Variants in ERBB4 observed in about 807,000 individuals in gnomAD.
ERBB4 encodes the protein receptor tyrosine-protein kinase erbB-4.
In ERBB4, 42 loss-of-function variants were observed where a neutral mutation model predicts 158.0. The ratio of observed to expected loss-of-function variants is 0.27; its 90% CI spans 0.21 to 0.34. The LOEUF is 0.34. Ranked by LOEUF, ERBB4 falls within the 10% of genes least tolerant of loss-of-function variation. The probability of loss-of-function intolerance (pLI) is 1.00; values close to 1 mark genes in which losing one functional copy is unlikely to be tolerated. For missense variants in ERBB4, 1,333 were observed against 1,624.1 expected, an observed-to-expected ratio of 0.82 and a Z score of 3.08; for synonymous variants, 583 against 558.7, an observed-to-expected ratio of 1.04 and a Z score of -0.61.
At chr2:212,027,603 C>T (rs917510881) in intron 2 of ERBB4, among the ~76,000 whole-genome samples, 2 of 152,140 alleles carry the variant, frequency 1.3e-5, no homozygotes, top group African/African-American at 4.8e-5. Flanking sequence ...TATCTTTATT[C>T]TTACTCCTTG....
intron 2 of ERBB4, among the ~76,000 whole-genome samples, chr2:212,116,944 C>A (rs191421136): frequency 4.5e-4 from 68 of 151,964 alleles, no homozygotes; most frequent in East Asian, 1.9e-4. Flanking sequence ...AATCCTAAGC[C>A]AAGTGTAAAT....
At chr2:211,783,919 G>T (rs1156243982) in intron 4 of ERBB4, among the ~76,000 whole-genome samples, 1 of 152,040 alleles carries the variant, frequency 6.6e-6, no homozygotes, top group Admixed American at 6.5e-5. Context: ...TTTTTCTCTT[G>T]ATTGGAATAG....
chr2:212,413,134 A>ATTTTTTTTTTTTTTT (rs370397826), intron 1 of ERBB4, among the ~76,000 whole-genome samples: 17 of 101,256 alleles, frequency 1.7e-4, no homozygotes, highest in East Asian at 2.7e-4. Context: ...TGCGTGGCTA[A>ATTTTTTTTTTTTTTT]TTTTTTTTTT....
chr2:212,171,012 G>A (rs188493950), intron 1 of ERBB4, among the ~76,000 whole-genome samples: 20 of 152,168 alleles, frequency 1.3e-4, no homozygotes, highest in African/African-American at 4.6e-4. Context: ...AGCTTGCACT[G>A]TGCACCTGGA....
intron 2 of ERBB4, among the ~76,000 whole-genome samples, chr2:212,000,806 A>T (rs1380936682): frequency 6.6e-6 from 1 of 151,940 alleles, no homozygotes; most frequent in African/African-American, 2.4e-5. Context: ...ATATTTAGTT[A>T]CATGAATCTA....
intron 19 of ERBB4, among the ~76,000 whole-genome samples, chr2:211,568,611 C>A (rs1400266747): frequency 6.6e-6 from 1 of 152,012 alleles, no homozygotes; most frequent in Non-Finnish European, 1.5e-5. Context: ...TATCTATGGA[C>A]CATTAATGCA....
chr2:211,729,067 C>T (rs1034154079), intron 5 of ERBB4, among the ~76,000 whole-genome samples: 2 of 151,600 alleles, frequency 1.3e-5, no homozygotes, highest in African/African-American at 4.8e-5. Context: ...TACTGTGGAA[C>T]TATTAAAATA....
chr2:211,816,675 C>G (rs2076887637), intron 3 of ERBB4, among the ~76,000 whole-genome samples: 2 of 151,586 alleles, frequency 1.3e-5, no homozygotes, highest in South Asian at 4.2e-4. Flanking sequence ...ACACATATCT[C>G]AACTAATTTT....
chr2:211,960,694 T>C (rs1310018726), intron 2 of ERBB4: 1 of 152,106 alleles, frequency 6.6e-6, no homozygotes, highest in Admixed American at 6.6e-5. Flanking sequence ...GGCCAGTGTC[T>C]TGCTATGTTT....
chr2:212,439,645 T>C (rs1470705343), intron 1 of ERBB4, among the ~76,000 whole-genome samples: 1 of 152,162 alleles, frequency 6.6e-6, no homozygotes, highest in Non-Finnish European at 1.5e-5. Context: ...TGTATTATTA[T>C]GAAGAAAACA....
At chr2:211,436,500 T>G (rs2063858581) in intron 20 of ERBB4, among the ~76,000 whole-genome samples, 2 of 152,160 alleles carry the variant, frequency 1.3e-5, no homozygotes. Flanking sequence ...ATCCTGCAGG[T>G]TGTTGTGAGG....
intron 2 of ERBB4, among the ~76,000 whole-genome samples, chr2:212,061,453 CAAAAAAAAAAA>C (rs754237880): frequency 2.2e-4 from 5 of 22,828 alleles, no homozygotes; most frequent in Non-Finnish European, 3.1e-4. Context: ...ACTCTGTCTC[CAAAAAAAAAAA>C]AAAAAAAAAA....
intron 20 of ERBB4, among the ~76,000 whole-genome samples, chr2:211,481,594 G>A (rs775338872): frequency 1.3e-5 from 2 of 151,426 alleles, no homozygotes; most frequent in Admixed American, 1.3e-4. Flanking sequence ...ATGAACAAAG[G>A]TAATATATGA....
chr2:212,195,189 C>A (rs939587445), intron 1 of ERBB4, among the ~76,000 whole-genome samples: 16 of 151,868 alleles, frequency 1.1e-4, no homozygotes, highest in African/African-American at 3.9e-4. Context: ...TTTGTCAGAA[C>A]AAATTATAAA....
intron 20 of ERBB4, among the ~76,000 whole-genome samples, chr2:211,528,515 A>G (rs1388443690): frequency 2.0e-5 from 3 of 152,102 alleles, no homozygotes; most frequent in African/African-American, 7.2e-5. Context: ...TGGACCTAAT[A>G]GATATTTACA....
intron 4 of ERBB4, chr2:211,778,571 G>A (rs1436310077): frequency 6.6e-6 from 1 of 152,130 alleles, no homozygotes; most frequent in Non-Finnish European, 1.5e-5. Context: ...ATGAGTGTCT[G>A]ACTTCTCCCC....
chr2:211,906,891 C>T (rs921314053), intron 3 of ERBB4, among the ~76,000 whole-genome samples: 2 of 151,600 alleles, frequency 1.3e-5, no homozygotes, highest in Non-Finnish European at 2.9e-5. Context: ...AAGTTGGGCA[C>T]ATTTCTTAGC....
rs913728795 is a variant in ERBB4 at position 212,000,157 on chromosome 2, G to C, written c.235-52541C>G. 2.6e-5 allele frequency among the ~76,000 whole-genome samples: 4 copies of C among 151,782 alleles called. No individual in the cohort carries two copies. The East Asian group carries it at 7.7e-4, about 29-fold the overall frequency. ...TTCATGTTTTTCACATCAATAAGCA[G>C]GAATGTATCAAATATATATTATTTT... On this transcript the variant is annotated intron_variant, in intron 2 of 27. Transcript: ENST00000342788.
intron 1 of ERBB4, among the ~76,000 whole-genome samples, chr2:212,452,640 T>C (rs1222557394): frequency 2.6e-5 from 4 of 152,136 alleles, no homozygotes; most frequent in African/African-American, 9.7e-5. Flanking sequence ...TTTTAACATA[T>C]ATACACAAAC....
Sources: gnomAD v4.1 joint callset for allele counts (sites outside exome capture counted in the v4.1 genomes callset) on GRCh38, gnomAD v4.1.1 for gene constraint, MANE v1.5 for transcripts, NCBI Gene and HGNC (gene_info 2026-07-23, HGNC 2026-07-21) for gene names.